Variants in CIT observed in about 807,000 individuals in gnomAD.
CIT encodes citron Rho-interacting kinase.
In CIT, 79 loss-of-function variants were observed where a neutral mutation model predicts 272.7. The ratio of observed to expected loss-of-function variants is 0.29; its 90% CI spans 0.24 to 0.35. The LOEUF is 0.35. Ranked by LOEUF, CIT falls within the 10% of genes least tolerant of loss-of-function variation. CIT has a pLI of 1.00. For synonymous variants in CIT, 948 were observed against 995.6 expected, an observed-to-expected ratio of 0.95 and a Z score of 0.90; for missense variants, 1,909 against 2,618.3, an observed-to-expected ratio of 0.73 and a Z score of 5.91.
intron 12 of CIT, 151 bp downstream of exon 12, chr12:119,783,757 T>C (rs1191191346): frequency 3.1e-6 from 3 of 976,852 alleles, no homozygotes; most frequent in East Asian, 5.0e-5. Context: ...CTCACTACTC[T>C]GCAAAACACA....
At position 119,688,146 on chromosome 12, in the gene CIT, G is replaced by T. The variant is rs374513595; in HGVS notation, c.*86C>A. 2 of 1,457,270 alleles carry T rather than the reference G, an allele frequency of 1.4e-6. No individual in the cohort carries two copies. Among genetic ancestry groups the T allele is most frequent in the Non-Finnish European group, 1.9e-6 (2 of 1,037,390 alleles). 90.3% of individuals were successfully genotyped at this position (1,457,270 alleles called of 1,614,324 possible). ...CCAGAGGGTGGCTGAGCACGTGGGC[G>T]CTTGGGTCCCCATCAGCAGAGTTCC... On this transcript the variant is annotated 3_prime_UTR_variant, in exon 48 of 48. Coordinates refer to ENST00000392521, the MANE Select transcript of CIT (RefSeq NM_001206999.2).
At chr12:119,719,026 C>T in intron 30 of CIT, 165 bp from the exon 31 acceptor site, 1 of 670,030 alleles carries the variant, frequency 1.5e-6, no homozygotes, top group Non-Finnish European at 2.5e-6. Context: ...GTAGGCTGAG[C>T]CACAGCCCGT....
intron 19 of CIT, among the ~76,000 whole-genome samples, chr12:119,765,668 C>T (rs1024731519): frequency 5.3e-5 from 8 of 151,382 alleles, no homozygotes; most frequent in Non-Finnish European, 1.0e-4. Flanking sequence ...CCAGGGGTCT[C>T]GTCAAGTTGC....
intron 4 of CIT, among the ~76,000 whole-genome samples, chr12:119,851,511 C>A (rs965963101): frequency 6.6e-6 from 1 of 152,128 alleles, no homozygotes; most frequent in Non-Finnish European, 1.5e-5. Context: ...AGAACCTGAA[C>A]ATCTTGCTAT....
chr12:119,866,057 G>A (rs1417540341), intron 3 of CIT, among the ~76,000 whole-genome samples: 1 of 151,800 alleles, frequency 6.6e-6, no homozygotes, highest in Non-Finnish European at 1.5e-5. Flanking sequence ...ACACTGCCCT[G>A]ACCCCTTTGG....
At chr12:119,850,420 G>A in intron 4 of CIT, 145 bp from the exon 5 acceptor site, 8 of 356,946 alleles carry the variant, frequency 2.2e-5, no homozygotes, top group Non-Finnish European at 2.5e-5. Context: ...GAAAACAGAA[G>A]GAAGGAAGGA....
At chr12:119,848,641 A>G (rs994327721) in intron 5 of CIT, among the ~76,000 whole-genome samples, 4 of 152,246 alleles carry the variant, frequency 2.6e-5, no homozygotes, top group Non-Finnish European at 4.4e-5. Context: ...TCTGGGATAC[A>G]CTGGTGAAAG....
At chr12:119,781,879 T>C (rs1429844977) in intron 13 of CIT, among the ~76,000 whole-genome samples, 4 of 152,226 alleles carry the variant, frequency 2.6e-5, no homozygotes, top group Admixed American at 2.0e-4. Context: ...GAGAAGCTAT[T>C]AAAACATTTA....
At chr12:119,742,737 A>G (rs1959119392) in intron 23 of CIT, 1 of 299,742 alleles carries the variant, frequency 3.3e-6, no homozygotes, top group African/African-American at 2.2e-5. Context: ...CCTACAGGCT[A>G]TTAGGAGAAA....
At chr12:119,711,758 G>A (rs115009705) in intron 37 of CIT, among the ~76,000 whole-genome samples, 2,119 of 152,208 alleles carry the variant, frequency 0.014, 54 homozygotes, top group African/African-American at 0.048. Context: ...TGGGCAATCC[G>A]CCGGCCTCAG....
At chr12:119,722,999 G>A (rs1227755255) in intron 28 of CIT, among the ~76,000 whole-genome samples, 3 of 152,024 alleles carry the variant, frequency 2.0e-5, no homozygotes, top group Non-Finnish European at 4.4e-5. Context: ...AAGTGGCAAT[G>A]AGCTATGATT....
intron 16 of CIT, among the ~76,000 whole-genome samples, chr12:119,773,908 A>C (rs1349517072): frequency 9.9e-5 from 15 of 152,228 alleles, no homozygotes. Context: ...AAGAATAAGG[A>C]AGCAGGGAGC....
At chr12:119,807,641 G>T (rs1966687081) in intron 9 of CIT, among the ~76,000 whole-genome samples, 2 of 152,062 alleles carry the variant, frequency 1.3e-5, no homozygotes, top group Non-Finnish European at 2.9e-5. Context: ...AAGAAAATAG[G>T]TCTTGTAAAG....
Position 119,804,548 on chromosome 12 carries a change from G to C in CIT, c.1112-1159C>G, listed in dbSNP as rs925388982. 16 of 938,258 alleles carry C rather than the reference G, an allele frequency of 1.7e-5. 1 individual carries two copies. In the South Asian group the frequency reaches 6.9e-4, roughly 40 times the overall value. 58.1% of individuals were successfully genotyped at this position (938,258 alleles called of 1,614,324 possible). On this transcript the variant is annotated intron_variant, in intron 9 of 47. Coordinates refer to ENST00000392521, the MANE Select transcript of CIT (RefSeq NM_001206999.2). The surrounding 1 kb of genome is among the most constrained non-coding windows in gnomAD (Gnocchi z 5.3). Reference sequence around the variant, plus strand: ...GCTCGCTAGAGCTCCCCCTAGGACAGTTGTCACAGCCCTTCACAGCCCAGA... The same window carrying C: ...GCTCGCTAGAGCTCCCCCTAGGACACTTGTCACAGCCCTTCACAGCCCAGA...
At chr12:119,743,799 C>T (rs1287670071) in intron 23 of CIT, among the ~76,000 whole-genome samples, 1 of 152,036 alleles carries the variant, frequency 6.6e-6, no homozygotes, top group Non-Finnish European at 1.5e-5. Context: ...TATATACTCC[C>T]TTCTATTGGA....
At chr12:119,854,277 C>T (rs374388725) in intron 4 of CIT, among the ~76,000 whole-genome samples, 1 of 151,382 alleles carries the variant, frequency 6.6e-6, no homozygotes, top group East Asian at 2.0e-4. Flanking sequence ...ATCCGCCCTG[C>T]TTGGCCTCCA....
Position 119,752,249 on chromosome 12 carries a change from T to TGAGAGA in CIT, c.2707-3_2707-2insTCTCTC, listed in dbSNP as rs141931278. On this transcript the variant is annotated splice_region_variant and splice_polypyrimidine_tract_variant and intron_variant, in intron 22 of 47. Coordinates refer to ENST00000392521, the MANE Select transcript of CIT (RefSeq NM_001206999.2). Reference sequence around the variant, plus strand: ...CTGCTCCTCGTGCTCTAGACTGACCTGAGACAGAGAGAGAGAGAGAAAGAG... The same window carrying TGAGAGA: ...CTGCTCCTCGTGCTCTAGACTGACCTGAGAGAGAGACAGAGAGAGAGAGAGAAAGAG... 94 of 1,599,004 alleles carry TGAGAGA rather than the reference T, an allele frequency of 5.9e-5. 1 individual carries two copies. In the African/African-American group the frequency reaches 9.3e-4, roughly 16 times the overall value.
intron 47 of CIT, among the ~76,000 whole-genome samples, chr12:119,688,821 A>G (rs1314161616): frequency 1.3e-5 from 2 of 152,178 alleles, no homozygotes; most frequent in African/African-American, 4.8e-5. Flanking sequence ...GAAGGCAACC[A>G]CTGTGAACAC....
At chr12:119,786,729 T>C (rs1479550902) in intron 10 of CIT, among the ~76,000 whole-genome samples, 1 of 152,180 alleles carries the variant, frequency 6.6e-6, no homozygotes, top group Non-Finnish European at 1.5e-5. Flanking sequence ...CTCCTGGCAA[T>C]GACAAGGGCT....
Sources: allele counts gnomAD v4.1 joint callset (sites outside exome capture counted in the v4.1 genomes callset), GRCh38; gene constraint gnomAD v4.1.1; non-coding constraint Gnocchi (gnomAD v3.1); transcripts MANE v1.5; gene names NCBI Gene and HGNC (gene_info 2026-07-23, HGNC 2026-07-21).